ERC2: variants seen among roughly 807,000 people sequenced by gnomAD.
ERC2 encodes the protein ELKS/RAB6-interacting/CAST family member 2.
Under a neutral mutation model 114.8 loss-of-function variants are expected in ERC2, and 42 were observed. The observed-to-expected ratio is 0.37, with a 90% CI of 0.29 to 0.47. The LOEUF (loss-of-function observed/expected upper bound fraction) is 0.47. Ranked by LOEUF, ERC2 falls within the 20% of genes least tolerant of loss-of-function variation. ERC2 has a pLI of 0.99. For synonymous variants in ERC2, 454 were observed against 425.5 expected, an observed-to-expected ratio of 1.07 and a Z score of -0.82; for missense variants, 939 against 1,150.7, an observed-to-expected ratio of 0.82 and a Z score of 2.66.
At chr3:56,400,315 G>C (rs911933123) in intron 2 of ERC2, among the ~76,000 whole-genome samples, 1 of 152,032 alleles carries the variant, frequency 6.6e-6, no homozygotes, top group Non-Finnish European at 1.5e-5. Context: ...ATGGTTATGG[G>C]GGCTGAGGGG....
intron 14 of ERC2, among the ~76,000 whole-genome samples, chr3:55,872,254 C>A (rs1050756376): frequency 3.3e-5 from 5 of 152,128 alleles, no homozygotes; most frequent in African/African-American, 9.7e-5. Flanking sequence ...GGAAGAGAAA[C>A]CACTACTCAT....
intron 4 of ERC2, among the ~76,000 whole-genome samples, chr3:56,167,268 G>GTTT (rs2082368330): frequency 6.6e-6 from 1 of 152,192 alleles, no homozygotes; most frequent in Admixed American, 6.5e-5. Context: ...TTAGAACTCA[G>GTTT]TTTTTCCTGA....
chr3:56,269,121 A>G (rs76059464), intron 3 of ERC2, among the ~76,000 whole-genome samples: 2,192 of 152,330 alleles, frequency 0.014, 50 homozygotes, highest in African/African-American at 0.05. Flanking sequence ...CGTTATAAAC[A>G]TGCAAGATCC....
chr3:55,628,952 C>T (rs1204372261), intron 17 of ERC2, among the ~76,000 whole-genome samples: 2 of 20,560 alleles, frequency 9.7e-5, no homozygotes, highest in Admixed American at 1.1e-3. Context: ...CACCAAGAAC[C>T]TTTCTTATAT....
intron 14 of ERC2, among the ~76,000 whole-genome samples, chr3:55,747,236 A>G (rs2066365419): frequency 6.6e-6 from 1 of 152,186 alleles, no homozygotes; most frequent in African/African-American, 2.4e-5. Context: ...TAGCTATCAA[A>G]TTATCATTTA....
intron 17 of ERC2, among the ~76,000 whole-genome samples, chr3:55,547,110 A>G (rs2054810772): frequency 6.6e-6 from 1 of 152,250 alleles, no homozygotes; most frequent in Admixed American, 6.5e-5. Context: ...TAGCAAAGAC[A>G]GCAGGGGATG....
At chr3:55,849,109 G>A (rs1299917058) in intron 14 of ERC2, among the ~76,000 whole-genome samples, 1 of 152,180 alleles carries the variant, frequency 6.6e-6, no homozygotes, top group Non-Finnish European at 1.5e-5. Context: ...TCTGGGCACA[G>A]TCACTCTCAT....
intron 3 of ERC2, among the ~76,000 whole-genome samples, chr3:56,270,067 A>AAGG (rs4061134): frequency 0.67 from 100,619 of 151,288 alleles, 34,955 homozygotes; most frequent in Non-Finnish European, 0.76. Context: ...CAAACCATTT[A>AAGG]AGGAGGAAAA....
chr3:55,627,205 C>T (rs1208534777), intron 17 of ERC2, among the ~76,000 whole-genome samples: 8 of 152,290 alleles, frequency 5.3e-5, no homozygotes, highest in South Asian at 2.1e-4. Flanking sequence ...TGGTGGCTCA[C>T]GCCTGTAATC....
rs977022816 is a variant in ERC2 at position 55,980,827 on chromosome 3, A to G, written c.2267+5150T>C. On this transcript the variant is annotated intron_variant, in intron 12 of 17. Transcript: ENST00000288221. Reference sequence around the variant, plus strand: ...TTCTGGGTCATGACTTATAAGGCCTACCTGGGGCCATCCTTCAATTTTGCT... The same window carrying G: ...TTCTGGGTCATGACTTATAAGGCCTGCCTGGGGCCATCCTTCAATTTTGCT... Among the ~76,000 whole-genome samples, 5 of 152,076 alleles carry G rather than the reference A, an allele frequency of 3.3e-5. No individual in the cohort carries two copies. In the East Asian group the frequency reaches 7.8e-4, roughly 24 times the overall value.
At chr3:55,569,490 G>A (rs2056579327) in intron 17 of ERC2, among the ~76,000 whole-genome samples, 1 of 152,196 alleles carries the variant, frequency 6.6e-6, no homozygotes, top group Admixed American at 6.5e-5. Flanking sequence ...AGCCAGACGT[G>A]TGGAAATATT....
intron 12 of ERC2, among the ~76,000 whole-genome samples, chr3:55,971,601 T>C (rs955506934): frequency 1.3e-5 from 2 of 152,082 alleles, no homozygotes; most frequent in African/African-American, 4.8e-5. Context: ...AACATATAGA[T>C]TGGGGTATGA....
chr3:56,084,918 G>T (rs1483242066), intron 6 of ERC2, among the ~76,000 whole-genome samples: 1 of 144,780 alleles, frequency 6.9e-6, no homozygotes, highest in Non-Finnish European at 1.5e-5. Context: ...GCATTTAAAA[G>T]AAAAAAAAAG....
At chr3:55,625,528 G>A (rs931268796) in intron 17 of ERC2, among the ~76,000 whole-genome samples, 5 of 152,020 alleles carry the variant, frequency 3.3e-5, no homozygotes, top group Non-Finnish European at 7.4e-5. Flanking sequence ...GAGGCTGATG[G>A]ATCATGAGGT....
rs530842620 is a variant in ERC2, at chr3:55,733,370, AG to A, written c.2712+1400del. On this transcript the variant is annotated intron_variant, in intron 15 of 17. Coordinates refer to ENST00000288221, the MANE Select transcript of ERC2 (RefSeq NM_015576.3). ...CAGTGACTGGGACCCTCCCTCTACA[AG>A]GAGAGAGTGTTCAGACACAGTAGTG... Among the ~76,000 whole-genome samples the A allele has an allele frequency of 2.7e-3, 413 of 151,924 alleles. 3 individuals carry two copies. The highest frequency in any genetic ancestry group is 9.2e-3 in the African/African-American group (379 of 41,402).
At chr3:55,717,482 C>A (rs1009574304) in intron 15 of ERC2, among the ~76,000 whole-genome samples, 3 of 152,186 alleles carry the variant, frequency 2.0e-5, no homozygotes, top group African/African-American at 7.2e-5. Context: ...AGGGATGCCT[C>A]TCTGGGGTCC....
At chr3:55,720,663 C>T (rs2064489623) in intron 15 of ERC2, among the ~76,000 whole-genome samples, 1 of 152,058 alleles carries the variant, frequency 6.6e-6, no homozygotes, top group Non-Finnish European at 1.5e-5. Context: ...ACCTGGCTCC[C>T]AAAAAAGCAG....
intron 2 of ERC2, among the ~76,000 whole-genome samples, chr3:56,428,319 A>G (rs2061652535): frequency 6.6e-6 from 1 of 151,994 alleles, no homozygotes; most frequent in African/African-American, 2.4e-5. Context: ...TCAGGAGTTC[A>G]TGACCAGCCT....
At chr3:56,027,282 C>T (rs897811128) in intron 7 of ERC2, among the ~76,000 whole-genome samples, 7 of 152,108 alleles carry the variant, frequency 4.6e-5, no homozygotes, top group Non-Finnish European at 7.4e-5. Context: ...CATTCAACTA[C>T]GGGTTTTATT....
Sources: gnomAD v4.1 joint callset for allele counts (sites outside exome capture counted in the v4.1 genomes callset) on GRCh38, gnomAD v4.1.1 for gene constraint, MANE v1.5 for transcripts, NCBI Gene and HGNC (gene_info 2026-07-23, HGNC 2026-07-21) for gene names.